Variants in EPS15L1 observed in about 807,000 individuals in gnomAD.
The protein encoded by EPS15L1 is epidermal growth factor receptor pathway substrate 15 like 1, also known as epidermal growth factor receptor substrate 15-like 1.
Under a neutral mutation model 117.1 loss-of-function variants are expected in EPS15L1, and 43 were observed. That is an observed-to-expected ratio of 0.37 (90% CI 0.29 to 0.47). EPS15L1 has a LOEUF of 0.47. EPS15L1 is among the 20% of genes least tolerant of loss of function. The pLI, the probability that EPS15L1 is intolerant of heterozygous loss-of-function variation, is 0.99. For synonymous variants in EPS15L1, 459 were observed against 470.5 expected, an observed-to-expected ratio of 0.98 and a Z score of 0.32; for missense variants, 981 against 1,164.0, an observed-to-expected ratio of 0.84 and a Z score of 2.29.
chr19:16,407,860 T>C (rs2092671054), intron 13 of EPS15L1, among the ~76,000 whole-genome samples: 1 of 152,196 alleles, frequency 6.6e-6, no homozygotes, highest in Non-Finnish European at 1.5e-5. Flanking sequence ...TGACAACTCC[T>C]GGATTCCCCT....
intron 22 of EPS15L1, among the ~76,000 whole-genome samples, chr19:16,366,882 G>A (rs1261436764): frequency 2.0e-5 from 3 of 152,100 alleles, no homozygotes; most frequent in Non-Finnish European, 2.9e-5. Flanking sequence ...AACCTTCTAG[G>A]TCTAGTTCCT....
intron 6 of EPS15L1, among the ~76,000 whole-genome samples, chr19:16,436,224 G>C (rs139740187): frequency 1.2e-3 from 178 of 152,292 alleles, no homozygotes; most frequent in African/African-American, 4.0e-3. Flanking sequence ...GAGAGCAAGA[G>C]TGTTATTCAT....
At chr19:16,406,204 T>A (rs1035187661) in intron 13 of EPS15L1, among the ~76,000 whole-genome samples, 2 of 152,156 alleles carry the variant, frequency 1.3e-5, no homozygotes, top group African/African-American at 4.8e-5. Flanking sequence ...GGTGCTTCCC[T>A]GCCTCGATAG....
chr19:16,461,282 C>A (rs1400042334), intron 1 of EPS15L1, among the ~76,000 whole-genome samples: 1 of 127,752 alleles, frequency 7.8e-6, no homozygotes, highest in Non-Finnish European at 1.6e-5. Context: ...CCAGCCTGGG[C>A]GACAGAGCAA....
At chr19:16,424,393 A>T (rs1213491648) in intron 9 of EPS15L1, among the ~76,000 whole-genome samples, 1 of 152,138 alleles carries the variant, frequency 6.6e-6, no homozygotes, top group Admixed American at 6.5e-5. Flanking sequence ...AACCACCAGA[A>T]GATCACTAGA....
At chr19:16,356,251 T>C (rs1399157060) in intron 23 of EPS15L1, 3 of 211,480 alleles carry the variant, frequency 1.4e-5, no homozygotes, top group Non-Finnish European at 2.9e-5. Context: ...GAATGTGGTA[T>C]TTCTACCTCC....
At chr19:16,376,722 C>T (rs543635311) in intron 22 of EPS15L1, among the ~76,000 whole-genome samples, 6 of 152,372 alleles carry the variant, frequency 3.9e-5, no homozygotes, top group African/African-American at 9.6e-5. Context: ...GGGAGAAGGA[C>T]GGAAGAGAAG....
intron 21 of EPS15L1, among the ~76,000 whole-genome samples, chr19:16,379,529 A>G (rs772413802): frequency 4.6e-5 from 7 of 152,238 alleles, no homozygotes; most frequent in Non-Finnish European, 1.0e-4. Context: ...AAGGTCTACC[A>G]CCACGTCCAG....
At chr19:16,355,919 A>AG (rs1159953788) in intron 23 of EPS15L1, 68 bp from the exon 24 acceptor site, 5 of 1,509,000 alleles carry the variant, frequency 3.3e-6, no homozygotes, top group Non-Finnish European at 4.4e-6. Context: ...GGAGGGAGGC[A>AG]GGGAATGCGT....
At chr19:16,417,421 G>T in intron 12 of EPS15L1, 131 bp downstream of exon 12, 1 of 757,096 alleles carries the variant, frequency 1.3e-6, no homozygotes, top group Non-Finnish European at 2.3e-6. Context: ...CTCAGAAGCT[G>T]TATCTTTTCC....
chr19:16,443,440 G>A (rs892808868), intron 1 of EPS15L1: 2 of 152,252 alleles, frequency 1.3e-5, no homozygotes, highest in African/African-American at 4.8e-5. Context: ...CGGGCGCAGT[G>A]GCTCACGCCT....
intron 16 of EPS15L1, 173 bp downstream of exon 16, chr19:16,402,148 G>A (rs940387056): frequency 7.2e-7 from 1 of 1,384,688 alleles, no homozygotes. Flanking sequence ...GGCCACCTGT[G>A]CCAGGCTGCA....
At chr19:16,374,022 G>A (rs750745232) in intron 22 of EPS15L1, among the ~76,000 whole-genome samples, 1 of 152,212 alleles carries the variant, frequency 6.6e-6, no homozygotes, top group Non-Finnish European at 1.5e-5. Context: ...CAGTTGCTCC[G>A]GACTTAAAAT....
In EPS15L1 at chr19:16,362,042, G is replaced by T. The variant is rs961029542; in HGVS notation, c.2381-58C>A. On this transcript the variant is annotated intron_variant, in intron 22 of 23. Coordinates refer to ENST00000455140, the MANE Select transcript of EPS15L1 (RefSeq NM_001258374.3). ...AGAAAGAAATATGAGTTACTCACCC[G>T]GACAGAGCAGAATGCTGGTGGGCAC... The T allele has an allele frequency of 4.0e-6, 6 of 1,485,774 alleles. No homozygotes were observed. In the African/African-American group the frequency reaches 8.4e-5, roughly 21 times the overall value. The allele number at this position is 1,485,774 out of a possible 1,614,324, so 92.0% of individuals were successfully genotyped here.
At chr19:16,417,010 G>A (rs1008794248) in intron 12 of EPS15L1, among the ~76,000 whole-genome samples, 3 of 152,182 alleles carry the variant, frequency 2.0e-5, no homozygotes, top group African/African-American at 4.8e-5. Flanking sequence ...TCCTAAGCCC[G>A]CTCCTCGCCA....
chr19:16,467,136 C>T (rs2093312172), intron 1 of EPS15L1, among the ~76,000 whole-genome samples: 1 of 151,422 alleles, frequency 6.6e-6, no homozygotes, highest in Non-Finnish European at 1.5e-5. Flanking sequence ...CCTGATGGTG[C>T]CTGCTTTTCT....
chr19:16,414,062 C>T (rs1341795428), intron 12 of EPS15L1, among the ~76,000 whole-genome samples: 3 of 152,114 alleles, frequency 2.0e-5, no homozygotes, highest in Non-Finnish European at 4.4e-5. Flanking sequence ...TGTAACCACC[C>T]TCTAAAAGCA....
intron 16 of EPS15L1, among the ~76,000 whole-genome samples, chr19:16,398,510 G>A (rs1177545677): frequency 6.6e-6 from 1 of 152,186 alleles, no homozygotes; most frequent in Non-Finnish European, 1.5e-5. Context: ...AAGAAGCCAG[G>A]AGGCCCACGT....
At chr19:16,426,047 T>C (rs1396489458) in intron 8 of EPS15L1, among the ~76,000 whole-genome samples, 3 of 152,170 alleles carry the variant, frequency 2.0e-5, no homozygotes, top group African/African-American at 7.2e-5. Context: ...TCATGGGTGT[T>C]GACCGTATCA....
Sources: allele counts gnomAD v4.1 joint callset (sites outside exome capture counted in the v4.1 genomes callset), GRCh38; gene constraint gnomAD v4.1.1; transcripts MANE v1.5; gene names NCBI Gene and HGNC (gene_info 2026-07-23, HGNC 2026-07-21).